The following CACNA2D1 variants were observed in gnomAD, a reference collection of about 807,000 sequenced individuals.
CACNA2D1 encodes voltage-dependent calcium channel subunit alpha-2/delta-1.
Under a neutral mutation model 171.5 loss-of-function variants are expected in CACNA2D1, and 53 were observed. That is an observed-to-expected ratio of 0.31 (90% CI 0.25 to 0.39). The LOEUF (loss-of-function observed/expected upper bound fraction) is 0.39, where lower values mean the gene tolerates loss of function less well. CACNA2D1 is among the 10% of genes least tolerant of loss of function. CACNA2D1 has a pLI of 1.00. For synonymous variants in CACNA2D1, 442 were observed against 443.1 expected (o/e 1.00, Z 0.03); for missense variants, 903 against 1,299.8 (o/e 0.69, Z 4.69).
intron 4 of CACNA2D1, among the ~76,000 whole-genome samples, chr7:82,152,268 A>AAC (rs1554433746): frequency 9.2e-5 from 2 of 21,662 alleles, no homozygotes; most frequent in Admixed American, 1.0e-3. Context: ...CTGCCCCCCC[A>AAC]CCCCCCAAAA....
chr7:82,388,973 G>A (rs1824756475), intron 1 of CACNA2D1, among the ~76,000 whole-genome samples: 1 of 151,766 alleles, frequency 6.6e-6, no homozygotes, highest in Admixed American at 6.6e-5. Flanking sequence ...AAAATTAGCT[G>A]GGCATGGTGG....
At chr7:81,970,522 C>A (rs536604769) in intron 27 of CACNA2D1, among the ~76,000 whole-genome samples, 153 bp downstream of exon 27, 1 of 151,544 alleles carries the variant, frequency 6.6e-6, no homozygotes, top group Admixed American at 6.6e-5. Flanking sequence ...GAAATAAAAT[C>A]TTTTAATAAT....
chr7:82,374,303 T>C (rs1822758602), intron 1 of CACNA2D1, among the ~76,000 whole-genome samples: 1 of 152,166 alleles, frequency 6.6e-6, no homozygotes, highest in African/African-American at 2.4e-5. Context: ...TAAGCATCAA[T>C]ACAAAACAAT....
At chr7:82,172,727 C>T (rs1796163807) in intron 3 of CACNA2D1, among the ~76,000 whole-genome samples, 1 of 144,842 alleles carries the variant, frequency 6.9e-6, no homozygotes, top group Admixed American at 7.1e-5. Flanking sequence ...CATGAGCCAT[C>T]CTGCCCGGCC....
chr7:82,132,388 GTA>G (rs1390540759), intron 5 of CACNA2D1, among the ~76,000 whole-genome samples: 9 of 152,120 alleles, frequency 5.9e-5, no homozygotes, highest in African/African-American at 1.9e-4. Context: ...TGTTAGTTGG[GTA>G]TGTACACATG....
At chr7:82,008,510 A>C (rs2130892018) in intron 15 of CACNA2D1, among the ~76,000 whole-genome samples, 1 of 152,266 alleles carries the variant, frequency 6.6e-6, no homozygotes, top group Non-Finnish European at 1.5e-5. Flanking sequence ...TAGTCAAAAT[A>C]AACTGATTTT....
chr7:82,362,617 C>T (rs986700172), intron 1 of CACNA2D1, among the ~76,000 whole-genome samples: 6 of 152,160 alleles, frequency 3.9e-5, no homozygotes, highest in East Asian at 3.9e-4. Flanking sequence ...TTTTCAACTA[C>T]CCTACATGTA....
At chr7:82,269,510 A>C (rs765978531) in intron 3 of CACNA2D1, among the ~76,000 whole-genome samples, 29 of 152,144 alleles carry the variant, frequency 1.9e-4, no homozygotes, top group Admixed American at 3.9e-4. Flanking sequence ...TTACCTAAGG[A>C]GTCAGAGAAT....
At chr7:82,097,881 A>G (rs772377835) in intron 6 of CACNA2D1, among the ~76,000 whole-genome samples, 1 of 144,344 alleles carries the variant, frequency 6.9e-6, no homozygotes, top group African/African-American at 2.5e-5. Context: ...TGGGAGGCCG[A>G]GGCAGGCAGA....
chr7:82,346,180 T>C (rs1819232837), intron 2 of CACNA2D1, among the ~76,000 whole-genome samples: 1 of 152,194 alleles, frequency 6.6e-6, no homozygotes, highest in South Asian at 2.1e-4. Context: ...ATGCTAAGGA[T>C]GGCAGAGTCA....
At chr7:82,166,058 C>T (rs1795428334) in intron 4 of CACNA2D1, among the ~76,000 whole-genome samples, 1 of 151,934 alleles carries the variant, frequency 6.6e-6, no homozygotes, top group Non-Finnish European at 1.5e-5. Context: ...AAAAATGTTT[C>T]TGCTACAATC....
Position 82,248,146 on chromosome 7 carries a change from TAAC to T in CACNA2D1, c.295-77540_295-77538del, listed in dbSNP as rs1420511624. On this transcript the variant is annotated intron_variant, in intron 3 of 38. Coordinates refer to ENST00000356860, the MANE Select transcript of CACNA2D1 (RefSeq NM_000722.4). ...AGGTCACAACTATGTGTATAAATAA[TAAC>T]AATAATAACCATAATAAAATGATAA... Among the ~76,000 whole-genome samples, 6 of 152,174 alleles carry T rather than the reference TAAC, an allele frequency of 3.9e-5. No individual in the cohort carries two copies. The East Asian group carries it at 7.7e-4, about 20-fold the overall frequency.
Position 82,188,875 on chromosome 7 carries a change from G to C in CACNA2D1, c.295-18266C>G, listed in dbSNP as rs531762552. Among the ~76,000 whole-genome samples, 4 of 152,220 alleles carry C rather than the reference G, an allele frequency of 2.6e-5. No homozygotes were observed. The East Asian group carries it at 7.7e-4, about 29-fold the overall frequency. ...AGATCATGTCCTTTGCAGTGACTTG[G>C]ATGGAGCTGGAGGCCATTATCCTAA... On this transcript the variant is annotated intron_variant, in intron 3 of 38. Coordinates refer to ENST00000356860, the MANE Select transcript of CACNA2D1 (RefSeq NM_000722.4).
chr7:82,111,003 C>T (rs949902284), intron 6 of CACNA2D1, among the ~76,000 whole-genome samples: 4 of 151,940 alleles, frequency 2.6e-5, no homozygotes, highest in African/African-American at 4.8e-5. Context: ...GCTATATTCC[C>T]ATTATCTGGA....
intron 3 of CACNA2D1, among the ~76,000 whole-genome samples, chr7:82,238,484 C>G (rs1187363242): frequency 6.6e-6 from 1 of 151,766 alleles, no homozygotes; most frequent in African/African-American, 2.4e-5. Context: ...GAAAAAAAGT[C>G]CAAAATCACT....
At chr7:82,180,243 C>T (rs1425300554) in intron 3 of CACNA2D1, among the ~76,000 whole-genome samples, 1 of 152,152 alleles carries the variant, frequency 6.6e-6, no homozygotes, top group Non-Finnish European at 1.5e-5. Flanking sequence ...GAGGCAAGTG[C>T]GGTGTCCTGG....
At chr7:82,327,460 G>T (rs1008759810) in intron 3 of CACNA2D1, among the ~76,000 whole-genome samples, 8 of 152,142 alleles carry the variant, frequency 5.3e-5, no homozygotes, top group Non-Finnish European at 1.0e-4. Context: ...TGCCTTTCAG[G>T]TTCCCTAATT....
At chr7:82,251,672 C>T (rs1805662973) in intron 3 of CACNA2D1, among the ~76,000 whole-genome samples, 1 of 152,060 alleles carries the variant, frequency 6.6e-6, no homozygotes, top group Non-Finnish European at 1.5e-5. Flanking sequence ...TGTTATTATG[C>T]CCTCTGTTCT....
intron 3 of CACNA2D1, among the ~76,000 whole-genome samples, chr7:82,297,899 G>A (rs767650765): frequency 7.2e-5 from 11 of 151,782 alleles, no homozygotes; most frequent in Admixed American, 2.6e-4. Flanking sequence ...CTTGTAATAC[G>A]GATATATAAG....
Sources: gnomAD v4.1 joint callset for allele counts (sites outside exome capture counted in the v4.1 genomes callset) on GRCh38, gnomAD v4.1.1 for gene constraint, MANE v1.5 for transcripts, NCBI Gene and HGNC (gene_info 2026-07-23, HGNC 2026-07-21) for gene names.